The following FAM81B variants were observed in gnomAD, a reference collection of about 807,000 sequenced individuals.
FAM81B encodes protein FAM81B.
Under a neutral mutation model 58.7 loss-of-function variants are expected in FAM81B, and 60 were observed. The observed-to-expected ratio is 1.02, with a 90% CI of 0.83 to 1.27. The LOEUF (loss-of-function observed/expected upper bound fraction) is 1.27. Ranked by LOEUF, FAM81B falls within the 50% of genes most tolerant of loss-of-function variation. FAM81B has a pLI of 0.00. For missense variants in FAM81B, 491 were observed against 522.0 expected (o/e 0.94, Z 0.58); for synonymous variants, 189 against 179.6 (o/e 1.05, Z -0.42).
chr5:95,431,746 G>T (rs138536164), intron 6 of FAM81B, among the ~76,000 whole-genome samples: 1 of 151,954 alleles, frequency 6.6e-6, no homozygotes, highest in African/African-American at 2.4e-5. Flanking sequence ...CAGGGGCTTC[G>T]ATATGCCCTC....
intron 5 of FAM81B, among the ~76,000 whole-genome samples, chr5:95,426,451 G>A (rs1762832635): frequency 6.6e-6 from 1 of 152,112 alleles, no homozygotes; most frequent in Non-Finnish European, 1.5e-5. Flanking sequence ...CAACTCTCAA[G>A]TTGAGTAAAT....
Position 95,435,955 on chromosome 5 carries a change from C to T in FAM81B, c.787-845C>T, listed in dbSNP as rs564595580. On this transcript the variant is annotated intron_variant, in intron 6 of 9. Transcript: ENST00000283357. Reference sequence around the variant, plus strand: ...CAACACTTACCTATTCAAATCCTTCCGTTACTCCCCTCTTTCTTTCATAAG... The same window carrying T: ...CAACACTTACCTATTCAAATCCTTCTGTTACTCCCCTCTTTCTTTCATAAG... Among the ~76,000 whole-genome samples the T allele has an allele frequency of 7.8e-4, 119 of 152,250 alleles. 1 individual carries two copies. Among genetic ancestry groups the T allele is most frequent in the African/African-American group, 2.4e-3 (101 of 41,548 alleles).
intron 4 of FAM81B, among the ~76,000 whole-genome samples, chr5:95,415,436 C>A (rs1236795257): frequency 2.0e-5 from 3 of 152,124 alleles, no homozygotes; most frequent in Admixed American, 2.0e-4. Flanking sequence ...TTAACAGACC[C>A]CATAATGTAC....
chr5:95,408,725 G>C (rs1762330863), intron 3 of FAM81B, among the ~76,000 whole-genome samples: 4 of 152,160 alleles, frequency 2.6e-5, no homozygotes, highest in Admixed American at 2.6e-4. Context: ...ACCCTCCATG[G>C]TGTTATCATG....
At chr5:95,404,806 G>C (rs1465026740) in intron 3 of FAM81B, among the ~76,000 whole-genome samples, 2 of 152,174 alleles carry the variant, frequency 1.3e-5, no homozygotes, top group Admixed American at 6.5e-5. Flanking sequence ...ATGGAGGATA[G>C]ACAATAAACA....
Position 95,413,994 on chromosome 5 carries a change from T to C in FAM81B, c.341T>C (p.Leu114Pro). The change falls in exon 4 of 10, where the codon CTA becomes CCA. Residue 114 changes from leucine to proline, a missense_variant. Transcript: ENST00000283357. Reference protein sequence around the residue: ...PIIPNTQRGQLEDRLNNQART... With the variant: ...PIIPNTQRGQPEDRLNNQART... ...ATTCCAAACACCCAGAGAGGTCAGC[T>C]AGAAGACAGACTGAACAACCAGGCG... 6.2e-7 allele frequency: 1 copy of C among 1,614,076 alleles called. No individual in the cohort carries two copies.
intron 3 of FAM81B, among the ~76,000 whole-genome samples, chr5:95,402,129 C>T (rs936421022): frequency 1.3e-5 from 2 of 152,208 alleles, no homozygotes; most frequent in Non-Finnish European, 2.9e-5. Flanking sequence ...AAATTTACAT[C>T]TTACTACTAG....
intron 5 of FAM81B, among the ~76,000 whole-genome samples, chr5:95,425,672 A>G (rs1762804165): frequency 6.6e-6 from 1 of 152,220 alleles, no homozygotes; most frequent in Admixed American, 6.5e-5. Context: ...CATCTAATCT[A>G]CATATAAAGT....
At chr5:95,441,307 AC>A (rs2152769856) in intron 7 of FAM81B, among the ~76,000 whole-genome samples, 1 of 152,194 alleles carries the variant, frequency 6.6e-6, no homozygotes, top group South Asian at 2.1e-4. Context: ...GCGATGGCTC[AC>A]CCCTGTAATT....
chr5:95,395,000 A>C (rs890532727), intron 2 of FAM81B, among the ~76,000 whole-genome samples: 2 of 152,198 alleles, frequency 1.3e-5, no homozygotes, highest in Non-Finnish European at 2.9e-5. Context: ...AGCAAGAAAA[A>C]ATATCCTAGG....
At chr5:95,426,349 C>A (rs1762829713) in intron 5 of FAM81B, among the ~76,000 whole-genome samples, 1 of 151,984 alleles carries the variant, frequency 6.6e-6, no homozygotes, top group Admixed American at 6.6e-5. Context: ...ATGTAGAGTG[C>A]AGCTTTGAAA....
At chr5:95,407,758 A>G (rs1445549169) in intron 3 of FAM81B, among the ~76,000 whole-genome samples, 1 of 152,180 alleles carries the variant, frequency 6.6e-6, no homozygotes, top group African/African-American at 2.4e-5. Context: ...TAGGTTTATA[A>G]TATCTGCAAC....
chr5:95,428,527 A>C, intron 5 of FAM81B, 76 bp from the exon 6 acceptor site: 2 of 1,541,850 alleles, frequency 1.3e-6, no homozygotes, highest in East Asian at 2.3e-5. Flanking sequence ...CCATCAAATG[A>C]ATGTGCAGGT....
chr5:95,432,031 C>G (rs1423070512), intron 6 of FAM81B, among the ~76,000 whole-genome samples: 1 of 151,946 alleles, frequency 6.6e-6, no homozygotes, highest in African/African-American at 2.4e-5. Context: ...TTTAACTGTC[C>G]TGTGTTTCCC....
chr5:95,441,102 G>A (rs1384186779), intron 7 of FAM81B, among the ~76,000 whole-genome samples: 2 of 152,036 alleles, frequency 1.3e-5, no homozygotes, highest in African/African-American at 4.8e-5. Flanking sequence ...TGGCTTTTAT[G>A]TCACCTCACT....
intron 5 of FAM81B, among the ~76,000 whole-genome samples, chr5:95,422,612 G>C (rs1762716603): frequency 6.6e-6 from 1 of 152,094 alleles, no homozygotes; most frequent in African/African-American, 2.4e-5. Context: ...CCTCCTGAGT[G>C]CCTGGGATTA....
At chr5:95,393,887 A>T (rs944514943) in intron 2 of FAM81B, among the ~76,000 whole-genome samples, 2 of 152,210 alleles carry the variant, frequency 1.3e-5, no homozygotes, top group African/African-American at 4.8e-5. Context: ...AAAAATTCCC[A>T]TAGTGGCCAT....
chr5:95,397,580 G>A (rs1761997003), intron 3 of FAM81B, among the ~76,000 whole-genome samples: 1 of 152,162 alleles, frequency 6.6e-6, no homozygotes, highest in Non-Finnish European at 1.5e-5. Context: ...ATAAATTCCT[G>A]GAAAATGGTA....
intron 4 of FAM81B, among the ~76,000 whole-genome samples, chr5:95,418,268 G>A (rs539423152): frequency 1.8e-4 from 27 of 152,122 alleles, no homozygotes; most frequent in Non-Finnish European, 3.2e-4. Context: ...TCATGTTCAG[G>A]TAACCCTTAT....
Sources: allele counts gnomAD v4.1 joint callset (sites outside exome capture counted in the v4.1 genomes callset), GRCh38; gene constraint gnomAD v4.1.1; transcripts MANE v1.5; gene names NCBI Gene and HGNC (gene_info 2026-07-23, HGNC 2026-07-21).